Variants in ROR1 observed in about 807,000 individuals in gnomAD.
The protein encoded by ROR1 is ROR family WNT receptor 1.
In ROR1, 19 loss-of-function variants were observed where a neutral mutation model predicts 78.8. That is an observed-to-expected ratio of 0.24 (90% CI 0.17 to 0.35). ROR1 has a LOEUF of 0.35. Among genes scored for constraint, ROR1 ranks in the 10% least tolerant of loss-of-function variants. ROR1 has a pLI of 1.00. For missense variants in ROR1, 917 were observed against 1,177.8 expected (o/e 0.78, Z 3.24); for synonymous variants, 386 against 433.6 (o/e 0.89, Z 1.36).
At chr1:64,021,204 T>C (rs1331854177) in intron 2 of ROR1, among the ~76,000 whole-genome samples, 2 of 152,218 alleles carry the variant, frequency 1.3e-5, no homozygotes, top group Admixed American at 6.5e-5. Context: ...ACTATGGTTG[T>C]ATAGAATTAA....
chr1:64,093,274 G>A (rs1647219200), intron 4 of ROR1, among the ~76,000 whole-genome samples: 1 of 152,226 alleles, frequency 6.6e-6, no homozygotes, highest in South Asian at 2.1e-4. Flanking sequence ...TCCCAGAATA[G>A]ATGACTTAAT....
At chr1:64,060,557 T>A (rs1646909170) in intron 4 of ROR1, among the ~76,000 whole-genome samples, 1 of 152,182 alleles carries the variant, frequency 6.6e-6, no homozygotes, top group Non-Finnish European at 1.5e-5. Context: ...CAAGAAGTGA[T>A]AATGTAATAT....
In ROR1 at chr1:64,071,950, C is replaced by T. The variant is rs796927312; in HGVS notation, c.482+21234C>T. 4.6e-5 allele frequency among the ~76,000 whole-genome samples: 7 copies of T among 152,290 alleles called. 1 individual carries two copies. Among genetic ancestry groups the T allele is most frequent in the African/African-American group, 1.4e-4 (6 of 41,552 alleles). On this transcript the variant is annotated intron_variant, in intron 4 of 8. Coordinates refer to ENST00000371079, the MANE Select transcript of ROR1 (RefSeq NM_005012.4). ...CTGAAAGGGATTCCCTTCCTCTGCT[C>T]TCCCGCCACCGTGGTGCTTCCCTAT...
At chr1:63,855,956 T>G (rs1235291877) in intron 1 of ROR1, among the ~76,000 whole-genome samples, 1 of 152,082 alleles carries the variant, frequency 6.6e-6, no homozygotes, top group Non-Finnish European at 1.5e-5. Flanking sequence ...CACGCCCTGC[T>G]GATGTAGCTC....
chr1:64,168,395 AGT>A (rs1415366944), intron 8 of ROR1, among the ~76,000 whole-genome samples: 4 of 152,340 alleles, frequency 2.6e-5, no homozygotes, highest in African/African-American at 9.6e-5. Context: ...TTAGGATCTC[AGT>A]GTCTGGCACA....
chr1:64,162,635 T>A (rs933436430), intron 8 of ROR1, among the ~76,000 whole-genome samples: 3 of 152,276 alleles, frequency 2.0e-5, no homozygotes, highest in African/African-American at 7.2e-5. Context: ...AGAAGTAGAC[T>A]GCATTCAAGT....
rs115207801 is a variant in ROR1, at chr1:63,973,312, G to A, written c.92-35993G>A. Among the ~76,000 whole-genome samples, 896 of 152,254 alleles carry A rather than the reference G, an allele frequency of 5.9e-3. 9 individuals carry two copies. Among genetic ancestry groups the A allele is most frequent in the African/African-American group, 0.021 (864 of 41,546 alleles). ...GAGATCTCTGGGCAGAAGATCAAAC[G>A]CTCCCCCTGGGCTGCCCAGAGCATA... is the stretch of plus-strand genomic sequence containing the variant. On this transcript the variant is annotated intron_variant, in intron 1 of 8. Coordinates refer to ENST00000371079, the MANE Select transcript of ROR1 (RefSeq NM_005012.4).
At chr1:64,105,312 T>C (rs1380209325) in intron 4 of ROR1, 1 of 152,230 alleles carries the variant, frequency 6.6e-6, no homozygotes, top group African/African-American at 2.4e-5. Context: ...GGTTATTTTT[T>C]TCTTGTCAAT....
intron 4 of ROR1, among the ~76,000 whole-genome samples, chr1:64,109,638 G>A (rs572069901): frequency 2.0e-5 from 3 of 152,106 alleles, no homozygotes; most frequent in Admixed American, 6.5e-5. Flanking sequence ...ACCAATCCTC[G>A]TGCATCAGCC....
At chr1:63,910,046 A>G (rs1318696434) in intron 1 of ROR1, among the ~76,000 whole-genome samples, 1 of 152,202 alleles carries the variant, frequency 6.6e-6, no homozygotes, top group Non-Finnish European at 1.5e-5. Context: ...AAGGCACTTA[A>G]TCTATTATAT....
chr1:64,058,379 T>C (rs1646890957), intron 4 of ROR1, among the ~76,000 whole-genome samples: 1 of 152,060 alleles, frequency 6.6e-6, no homozygotes, highest in Non-Finnish European at 1.5e-5. Context: ...ATAGAAGTGG[T>C]GAGAGTGGAC....
chr1:63,794,914 G>A (rs1041476151), intron 1 of ROR1, among the ~76,000 whole-genome samples: 2 of 152,164 alleles, frequency 1.3e-5, no homozygotes, highest in Non-Finnish European at 2.9e-5. Context: ...GGGTGCAGTC[G>A]TTTGGGGTGG....
At chr1:63,776,949 G>C (rs1178231994) in intron 1 of ROR1, among the ~76,000 whole-genome samples, 1 of 152,164 alleles carries the variant, frequency 6.6e-6, no homozygotes, top group Non-Finnish European at 1.5e-5. Flanking sequence ...AGCCCAGCCA[G>C]TGGCTCAGGA....
intron 1 of ROR1, among the ~76,000 whole-genome samples, chr1:63,918,690 C>A (rs1645629506): frequency 6.6e-6 from 1 of 152,088 alleles, no homozygotes. Flanking sequence ...ATATACTGTG[C>A]CTCCCTCTGA....
At chr1:63,913,535 A>G (rs2100419588) in intron 1 of ROR1, among the ~76,000 whole-genome samples, 1 of 152,276 alleles carries the variant, frequency 6.6e-6, no homozygotes, top group Non-Finnish European at 1.5e-5. Flanking sequence ...TGGTTCTTTC[A>G]TTATTCATTC....
chr1:63,788,048 A>G (rs1644702634), intron 1 of ROR1, among the ~76,000 whole-genome samples: 1 of 152,244 alleles, frequency 6.6e-6, no homozygotes. Context: ...CCTGAGAGGC[A>G]GAAGAGGTCT....
intron 1 of ROR1, among the ~76,000 whole-genome samples, chr1:63,904,288 G>A (rs1286079543): frequency 6.6e-6 from 1 of 152,142 alleles, no homozygotes; most frequent in African/African-American, 2.4e-5. Context: ...TGTTATAGAG[G>A]AGGAAACTGA....
intron 4 of ROR1, 34 bp from the exon 5 acceptor site, chr1:64,137,335 G>A (rs778121178): frequency 1.2e-6 from 2 of 1,612,478 alleles, no homozygotes; most frequent in South Asian, 1.1e-5. Flanking sequence ...TGTATGTGGT[G>A]CATCAGCTAA....
At position 63,851,318 on chromosome 1, in the gene ROR1, T is replaced by C. The variant is rs146541359; in HGVS notation, c.91+76810T>C. On this transcript the variant is annotated intron_variant, in intron 1 of 8. Coordinates refer to ENST00000371079, the MANE Select transcript of ROR1 (RefSeq NM_005012.4). ...ATGTCCATAAAATGAGAGATTGCAT[T>C]AGTCATTCCTTCTTCAAGAGCAGAT... Among the ~76,000 whole-genome samples the C allele has an allele frequency of 2.0e-5, 3 of 152,328 alleles. No individual in the cohort carries two copies. In the East Asian group the frequency reaches 5.8e-4, roughly 29 times the overall value.
Sources: gnomAD v4.1 joint callset for allele counts (sites outside exome capture counted in the v4.1 genomes callset) on GRCh38, gnomAD v4.1.1 for gene constraint, MANE v1.5 for transcripts, NCBI Gene and HGNC (gene_info 2026-07-23, HGNC 2026-07-21) for gene names.